Variants in TRIM71 observed in about 807,000 individuals in gnomAD.
TRIM71 encodes tripartite motif containing 71.
A neutral mutation model predicts 61.2 loss-of-function variants in TRIM71; 9 were observed. The ratio of observed to expected loss-of-function variants is 0.15; its 90% CI spans 0.09 to 0.26. The LOEUF is 0.26. TRIM71 is among the 10% of genes least tolerant of loss of function. TRIM71 has a pLI of 1.00. For synonymous variants in TRIM71, 645 were observed against 553.2 expected (o/e 1.17, Z -2.33); for missense variants, 998 against 1,238.7 (o/e 0.81, Z 2.92).
At chr3:32,883,002 A>C (rs546381659) in intron 2 of TRIM71, among the ~76,000 whole-genome samples, 7 of 152,282 alleles carry the variant, frequency 4.6e-5, no homozygotes, top group South Asian at 2.1e-4. Context: ...AAAGCAGAAG[A>C]AGCTGCTTCT....
chr3:32,830,055 A>G (rs1417927229), intron 1 of TRIM71, among the ~76,000 whole-genome samples: 1 of 149,200 alleles, frequency 6.7e-6, no homozygotes, highest in Non-Finnish European at 1.5e-5. Flanking sequence ...CCCCGGGTAT[A>G]TGGGACTATA....
chr3:32,838,606 T>C (rs1696362901), intron 1 of TRIM71, among the ~76,000 whole-genome samples: 1 of 151,572 alleles, frequency 6.6e-6, no homozygotes, highest in Non-Finnish European at 1.5e-5. Context: ...AGTTTCTGTG[T>C]ATTCTCCCAG....
chr3:32,825,833 C>T (rs1390445701), intron 1 of TRIM71, among the ~76,000 whole-genome samples: 1 of 152,102 alleles, frequency 6.6e-6, no homozygotes, highest in Non-Finnish European at 1.5e-5. Context: ...TCCATCTTTC[C>T]TCTAAAGCTG....
chr3:32,861,606 C>T (rs1696668927), intron 1 of TRIM71, among the ~76,000 whole-genome samples: 1 of 152,142 alleles, frequency 6.6e-6, no homozygotes, highest in South Asian at 2.1e-4. Context: ...AAGCATCCCT[C>T]TTTCACCTGC....
intron 1 of TRIM71, among the ~76,000 whole-genome samples, chr3:32,823,674 AC>A (rs758893839): frequency 2.1e-4 from 31 of 146,480 alleles, no homozygotes; most frequent in Non-Finnish European, 3.6e-4. Flanking sequence ...AAATGGGGAA[AC>A]CCAGGAGGCG....
rs1461319107 is a variant in TRIM71, at chr3:32,891,662, A to T, written c.2458A>T (p.Met820Leu). The T allele has an allele frequency of 6.2e-7, 1 of 1,613,816 alleles. No homozygotes were observed. Among genetic ancestry groups the T allele is most frequent in the Non-Finnish European group, 8.5e-7 (1 of 1,179,906 alleles). Residue 820 changes from methionine (M) to leucine (L), a missense_variant, in exon 4 of 4, where the codon ATG becomes TTG. Coordinates refer to ENST00000383763, the MANE Select transcript of TRIM71 (RefSeq NM_001039111.3). This position sits in a 1 kb window ranked among gnomAD's most constrained non-coding sequence, Gnocchi z 8.2. ...GGATTCCAGGAACCATCGGGTACAG[A>T]TGTTTGAATCCAACGGCAGCTTCCT... Reference protein sequence around the residue: ...VADSRNHRVQMFESNGSFLCK... With the variant: ...VADSRNHRVQLFESNGSFLCK...
chr3:32,819,799 G>A (rs1219592511), intron 1 of TRIM71, among the ~76,000 whole-genome samples: 1 of 152,216 alleles, frequency 6.6e-6, no homozygotes, highest in African/African-American at 2.4e-5. Context: ...CTGGTTAGGA[G>A]GTATCCACCC....
At chr3:32,871,072 A>G (rs1253969429) in intron 1 of TRIM71, among the ~76,000 whole-genome samples, 1 of 152,000 alleles carries the variant, frequency 6.6e-6, no homozygotes, top group African/African-American at 2.4e-5. Flanking sequence ...AGCTACTAGA[A>G]CTTAATTTTG....
chr3:32,873,058 T>TCC lies in TRIM71; in HGVS notation c.853-759_853-758insCC, dbSNP rs1559548187. Among the ~76,000 whole-genome samples, 998 of 118,018 alleles carry TCC rather than the reference T, an allele frequency of 8.5e-3. 20 individuals are homozygous for TCC. The highest frequency in any genetic ancestry group is 0.019 in the African/African-American group (670 of 34,902). 77.4% of individuals were successfully genotyped at this position (118,018 alleles called of 152,430 possible). On this transcript the variant is annotated intron_variant, in intron 1 of 3. Coordinates refer to ENST00000383763, the MANE Select transcript of TRIM71 (RefSeq NM_001039111.3). ...GGTAAAGGTTGTGCCAGCCCTTCTC[T>TCC]CTCTTCCTCCCTCCCTCCCTCCCTC...
rs191030756 is a variant in TRIM71, at chr3:32,889,326, G to A, written c.1156-1034G>A. 3.9e-3 allele frequency among the ~76,000 whole-genome samples: 587 copies of A among 152,124 alleles called. 10 individuals carry two copies. The highest frequency in any genetic ancestry group is 3.7e-3 in the Non-Finnish European group (250 of 68,010). The stretch of plus-strand genomic sequence containing the variant: ...GTATTACCCAGGCTGGAGTGCAGTG[G>A]TTATTCACAGACACAGTCATGGCAC... On this transcript the variant is annotated intron_variant, in intron 3 of 3. Transcript: ENST00000383763.
chr3:32,839,221 G>A (rs1334578014), intron 1 of TRIM71, among the ~76,000 whole-genome samples: 3 of 152,006 alleles, frequency 2.0e-5, no homozygotes, highest in South Asian at 2.1e-4. Context: ...ATAAGGTCCT[G>A]TGTGAAAGTG....
At chr3:32,827,454 G>A (rs766420520) in intron 1 of TRIM71, among the ~76,000 whole-genome samples, 64 of 151,832 alleles carry the variant, frequency 4.2e-4, no homozygotes, top group Non-Finnish European at 1.9e-4. Context: ...TAGAGATGGG[G>A]TTTTGCCATA....
At chr3:32,865,846 G>A (rs145788399) in intron 1 of TRIM71, among the ~76,000 whole-genome samples, 15 of 82,388 alleles carry the variant, frequency 1.8e-4, no homozygotes, top group African/African-American at 3.1e-4. Flanking sequence ...TTTTTTTTAA[G>A]ACAGAGTCTG....
At chr3:32,845,565 T>TC (rs1396867398) in intron 1 of TRIM71, among the ~76,000 whole-genome samples, 1 of 152,124 alleles carries the variant, frequency 6.6e-6, no homozygotes, top group African/African-American at 2.4e-5. Context: ...TTTCTTTAAC[T>TC]CAGTGGTCAC....
rs1370241430 is a variant in TRIM71 at position 32,896,044 on chromosome 3, G to T, written c.*4233G>T. ...AATCCAAGTAGTTCTTAGCAATCTG[G>T]CTTTTCCCCCTCAAAAAGAATTATG... On this transcript the variant is annotated 3_prime_UTR_variant, in exon 4 of 4. Coordinates refer to ENST00000383763, the MANE Select transcript of TRIM71 (RefSeq NM_001039111.3). The T allele has an allele frequency of 6.6e-6, 1 of 152,134 alleles. No individual in the cohort carries two copies. Among genetic ancestry groups the T allele is most frequent in the Non-Finnish European group, 1.5e-5 (1 of 68,036 alleles). The allele number at this position is 152,134 out of a possible 1,614,324, so 9.4% of individuals were successfully genotyped here.
At chr3:32,879,154 A>G (rs1244630370) in intron 2 of TRIM71, among the ~76,000 whole-genome samples, 1 of 152,206 alleles carries the variant, frequency 6.6e-6, no homozygotes, top group South Asian at 2.1e-4. Flanking sequence ...CTCACCCTTC[A>G]TAGCATTGAA....
chr3:32,891,873 T>TC lies in TRIM71; in HGVS notation c.*62_*63insC, dbSNP rs59819395. Reference sequence around the variant, plus strand: ...GCGTGTCTCTCTCTCTCTCTCTCTCTTTCTCTTTCTCTCTCTTTTTGAATT... The same window carrying TC: ...GCGTGTCTCTCTCTCTCTCTCTCTCTCTTCTCTTTCTCTCTCTTTTTGAATT... On this transcript the variant is annotated 3_prime_UTR_variant, in exon 4 of 4. Coordinates refer to ENST00000383763, the MANE Select transcript of TRIM71 (RefSeq NM_001039111.3). The surrounding 1 kb of genome is among the most constrained non-coding windows in gnomAD (Gnocchi z 8.2). The TC allele has an allele frequency of 3.1e-5, 47 of 1,500,008 alleles. No homozygotes were observed. The highest frequency in any genetic ancestry group is 3.8e-5 in the Non-Finnish European group (42 of 1,116,242). 92.9% of individuals were successfully genotyped at this position (1,500,008 alleles called of 1,614,324 possible).
intron 2 of TRIM71, among the ~76,000 whole-genome samples, chr3:32,884,686 A>G (rs929912862): frequency 6.6e-6 from 1 of 152,062 alleles, no homozygotes; most frequent in Admixed American, 6.5e-5. Flanking sequence ...GGTGGTGAAA[A>G]TGTTCTGTAG....
At chr3:32,831,761 T>C (rs1249015717) in intron 1 of TRIM71, among the ~76,000 whole-genome samples, 2 of 152,140 alleles carry the variant, frequency 1.3e-5, no homozygotes, top group African/African-American at 2.4e-5. Context: ...GGTCTTGAAC[T>C]CCTGACCTCA....
Sources: allele counts gnomAD v4.1 joint callset (sites outside exome capture counted in the v4.1 genomes callset), GRCh38; gene constraint gnomAD v4.1.1; non-coding constraint Gnocchi (gnomAD v3.1); transcripts MANE v1.5; gene names NCBI Gene and HGNC (gene_info 2026-07-23, HGNC 2026-07-21).